Variants in GALNT15 observed in about 807,000 individuals in gnomAD.
GALNT15 encodes UDP-GalNAc transferase T15.
In GALNT15, 67 loss-of-function variants were observed where a neutral mutation model predicts 66.8. The ratio of observed to expected loss-of-function variants is 1.00; its 90% CI spans 0.82 to 1.23. The LOEUF is 1.23. Among genes scored for constraint, GALNT15 ranks in the 50% most tolerant of loss-of-function variants. The pLI is 0.00. For missense variants in GALNT15, 827 were observed against 804.3 expected (o/e 1.03, Z -0.34); for synonymous variants, 313 against 311.5 (o/e 1.00, Z -0.05).
Position 16,204,380 on chromosome 3 carries a change from G to T in GALNT15, c.911+3557G>T, listed in dbSNP as rs1306266268. 6.6e-6 allele frequency among the ~76,000 whole-genome samples: 1 copy of T among 152,174 alleles called. No homozygotes were observed. Among genetic ancestry groups the T allele is most frequent in the African/African-American group, 2.4e-5 (1 of 41,438 alleles). The stretch of plus-strand genomic sequence containing the variant: ...AATAAAAATGCAAATTTACAGTAAT[G>T]ATAATATTAGAGATGTTCTCTTGGG... On this transcript the variant is annotated intron_variant, in intron 3 of 9. Transcript: ENST00000339732. The surrounding 1 kb of genome is among the most constrained non-coding windows in gnomAD (Gnocchi z 4.5).
intron 1 of GALNT15, among the ~76,000 whole-genome samples, chr3:16,185,757 A>AGATAGAT (rs993464779): frequency 1.5e-5 from 1 of 66,470 alleles, no homozygotes; most frequent in African/African-American, 5.9e-5. Flanking sequence ...ACAGATAGAT[A>AGATAGAT]GATAGATAGA....
rs2063409125 is a variant in GALNT15, at chr3:16,176,228, A to C, written c.539+538A>C. Among the ~76,000 whole-genome samples the C allele has an allele frequency of 6.6e-6, 1 of 152,236 alleles. No homozygotes were observed. Among genetic ancestry groups the C allele is most frequent in the Non-Finnish European group, 1.5e-5 (1 of 68,040 alleles). On this transcript the variant is annotated intron_variant, in intron 1 of 9. Coordinates refer to ENST00000339732, the MANE Select transcript of GALNT15 (RefSeq NM_054110.5). This position sits in a 1 kb window ranked among gnomAD's most constrained non-coding sequence, Gnocchi z 5.6. ...CCCATGCGTCTGGATTTACTTTACAAGCTTTTAATGTATTAACTCATAAAG... is the reference window on the plus strand; with the variant it reads ...CCCATGCGTCTGGATTTACTTTACACGCTTTTAATGTATTAACTCATAAAG...
At position 16,187,303 on chromosome 3, in the gene GALNT15, T is replaced by C. The variant is rs961356891; in HGVS notation, c.540-8457T>C. Among the ~76,000 whole-genome samples, 1 of 152,088 alleles carries C rather than the reference T, an allele frequency of 6.6e-6. No homozygotes were observed. Among genetic ancestry groups the C allele is most frequent in the African/African-American group, 2.4e-5 (1 of 41,398 alleles). On this transcript the variant is annotated intron_variant, in intron 1 of 9. Transcript: ENST00000339732. The surrounding 1 kb of genome is among the most constrained non-coding windows in gnomAD (Gnocchi z 5.1). ...TGATTTCAAACAATAACCATTTCTA[T>C]GTTATGGTTCTATAATTTGGACCGG...
Position 16,175,812 on chromosome 3 carries a change from G to T in GALNT15, c.539+122G>T. 3.4e-6 allele frequency: 3 copies of T among 886,760 alleles called. No individual in the cohort carries two copies. Among genetic ancestry groups the T allele is most frequent in the Non-Finnish European group, 5.0e-6 (3 of 600,896 alleles). The allele number at this position is 886,760 out of a possible 1,614,324, so 54.9% of individuals were successfully genotyped here. A position where few individuals can be genotyped will look rare whatever the true frequency, so the allele number is the denominator to read the frequency against. ...ACTTAGAGCAAGTGCTTTTCAAGAT[G>T]CAGTACCTGGGCCAGCAGCGTCAGC... On this transcript the variant is annotated intron_variant, in intron 1 of 9. Coordinates refer to ENST00000339732, the MANE Select transcript of GALNT15 (RefSeq NM_054110.5). The surrounding 1 kb of genome is among the most constrained non-coding windows in gnomAD (Gnocchi z 5.6).
downstream of GALNT15, among the ~76,000 whole-genome samples, chr3:16,234,993 G>A (rs181672296): frequency 6.7e-5 from 10 of 150,032 alleles, no homozygotes; most frequent in Admixed American, 6.7e-4. Flanking sequence ...TGCGATCCCA[G>A]CTCACTGCAA....
chr3:16,185,363 T>C (rs1195707184), intron 1 of GALNT15, among the ~76,000 whole-genome samples: 1 of 152,238 alleles, frequency 6.6e-6, no homozygotes, highest in Non-Finnish European at 1.5e-5. Context: ...AAGGAAAGTA[T>C]TTTGTGGCAC....
rs1380821047 is a variant in GALNT15, at chr3:16,212,556, C to T, written c.1198-13C>T. 6.2e-7 allele frequency: 1 copy of T among 1,607,988 alleles called. No homozygotes were observed. The highest frequency in any genetic ancestry group is 8.5e-7 in the Non-Finnish European group (1 of 1,176,148). ...TGGAATGCTGAGGTGTTTATCTTTT[C>T]CCTTCGTGGCAGGCCTGGCTCTGTG... On this transcript the variant is annotated splice_polypyrimidine_tract_variant and intron_variant, in intron 5 of 9. Transcript: ENST00000339732.
chr3:16,213,652 A>G (rs1177835330), intron 6 of GALNT15, among the ~76,000 whole-genome samples: 2 of 152,140 alleles, frequency 1.3e-5, no homozygotes, highest in East Asian at 3.8e-4. Flanking sequence ...GGGGGCTCCA[A>G]AGACAAGATT....
downstream of GALNT15, among the ~76,000 whole-genome samples, chr3:16,232,479 T>A (rs796768085): frequency 0.093 from 5,558 of 59,912 alleles, 499 homozygotes; most frequent in Admixed American, 0.12. Flanking sequence ...AATATATATA[T>A]ATATATATAT....
chr3:16,208,787 C>A (rs930685544), intron 4 of GALNT15, 117 bp downstream of exon 4: 3 of 888,578 alleles, frequency 3.4e-6, no homozygotes, highest in African/African-American at 1.7e-5. Flanking sequence ...TTAATGTATG[C>A]CACAGTTTCC....
At chr3:16,179,159 A>G (rs1401469686) in intron 1 of GALNT15, among the ~76,000 whole-genome samples, 2 of 152,206 alleles carry the variant, frequency 1.3e-5, no homozygotes, top group African/African-American at 2.4e-5. Context: ...TACAGTGAAC[A>G]TTTATTGAGC....
intron 1 of GALNT15, among the ~76,000 whole-genome samples, chr3:16,177,107 G>A (rs927103373): frequency 6.6e-6 from 1 of 152,136 alleles, no homozygotes; most frequent in Non-Finnish European, 1.5e-5. Context: ...TTTATCAGTC[G>A]AATGCCTGCT....
At chr3:16,236,795 T>C (rs554128129), downstream of GALNT15, among the ~76,000 whole-genome samples, 1 of 152,348 alleles carries the variant, frequency 6.6e-6, no homozygotes, top group South Asian at 2.1e-4. Flanking sequence ...TCCACAGTCT[T>C]CTTTCTTTGG....
chr3:16,222,896 G>C, intron 9 of GALNT15, 138 bp downstream of exon 9: 1 of 1,021,922 alleles, frequency 9.8e-7, no homozygotes, highest in Non-Finnish European at 1.4e-6. Flanking sequence ...TGGCTGGGCA[G>C]TAAGGCCTCA....
rs1491187404 is a variant in GALNT15 at position 16,203,543 on chromosome 3, T to TCTCTCTCTCA, written c.911+2721_911+2722insTCTCTCTCAC. ...CATTCTCTCTCTCTCTCTCTCTCTC[T>TCTCTCTCTCA]CACACACACACACACACACACACAC... On this transcript the variant is annotated intron_variant, in intron 3 of 9. Transcript: ENST00000339732. This position sits in a 1 kb window ranked among gnomAD's most constrained non-coding sequence, Gnocchi z 6.2. Among the ~76,000 whole-genome samples the TCTCTCTCTCA allele has an allele frequency of 9.8e-5, 6 of 61,106 alleles. No individual in the cohort carries two copies. Among genetic ancestry groups the TCTCTCTCTCA allele is most frequent in the African/African-American group, 3.3e-4 (6 of 18,252 alleles). 40.1% of individuals were successfully genotyped at this position (61,106 alleles called of 152,430 possible). A position where few individuals can be genotyped will look rare whatever the true frequency, so the allele number is the denominator to read the frequency against.
chr3:16,228,405 C>T lies in GALNT15; in HGVS notation c.*905C>T. 2 of 908,888 alleles carry T rather than the reference C, an allele frequency of 2.2e-6. No individual in the cohort carries two copies. The highest frequency in any genetic ancestry group is 1.3e-6 in the Non-Finnish European group (1 of 759,980). 56.3% of individuals were successfully genotyped at this position (908,888 alleles called of 1,614,324 possible). On this transcript the variant is annotated 3_prime_UTR_variant, in exon 10 of 10. Transcript: ENST00000339732. ...CCTGTAATTCCAGCACTTTGGGAGGCAGAGTTGGGAGGATCACCTGATGTC... is the reference window on the plus strand; with the variant it reads ...CCTGTAATTCCAGCACTTTGGGAGGTAGAGTTGGGAGGATCACCTGATGTC...
At position 16,186,532 on chromosome 3, in the gene GALNT15, A is replaced by G. The variant is rs1395189286; in HGVS notation, c.540-9228A>G. ...TCATAATATAAGTCAAAATAGGAGCAATCCAAATGTCCATCAGCTGATGAA... is the reference window on the plus strand; with the variant it reads ...TCATAATATAAGTCAAAATAGGAGCGATCCAAATGTCCATCAGCTGATGAA... On this transcript the variant is annotated intron_variant, in intron 1 of 9. Coordinates refer to ENST00000339732, the MANE Select transcript of GALNT15 (RefSeq NM_054110.5). This position sits in a 1 kb window ranked among gnomAD's most constrained non-coding sequence, Gnocchi z 5.1. 6.6e-6 allele frequency among the ~76,000 whole-genome samples: 1 copy of G among 152,272 alleles called. No homozygotes were observed. The highest frequency in any genetic ancestry group is 1.5e-5 in the Non-Finnish European group (1 of 68,050).
chr3:16,189,155 CA>C lies in GALNT15; in HGVS notation c.540-6604del, dbSNP rs1234734427. Among the ~76,000 whole-genome samples the C allele has an allele frequency of 6.6e-6, 1 of 152,198 alleles. No individual in the cohort carries two copies. The highest frequency in any genetic ancestry group is 6.5e-5 in the Admixed American group (1 of 15,286). On this transcript the variant is annotated intron_variant, in intron 1 of 9. Coordinates refer to ENST00000339732, the MANE Select transcript of GALNT15 (RefSeq NM_054110.5). This position sits in a 1 kb window ranked among gnomAD's most constrained non-coding sequence, Gnocchi z 5.1. ...GATTGGAGAGCTTTGCTCCCGGTGG[CA>C]GCCTGAATCACAGGAAACATTTTGC... is the stretch of plus-strand genomic sequence containing the variant.
rs142332771 is a variant in GALNT15, at chr3:16,187,596, A to T, written c.540-8164A>T. Among the ~76,000 whole-genome samples the T allele has an allele frequency of 1.8e-3, 275 of 152,340 alleles. 1 individual carries two copies. Among genetic ancestry groups the T allele is most frequent in the African/African-American group, 6.5e-3 (271 of 41,584 alleles). Reference sequence around the variant, plus strand: ...GGAATTCTCGAATGTCACTTCTAGTACATTCTATTGGTCTAAGGAAGGCAC... The same window carrying T: ...GGAATTCTCGAATGTCACTTCTAGTTCATTCTATTGGTCTAAGGAAGGCAC... On this transcript the variant is annotated intron_variant, in intron 1 of 9. Coordinates refer to ENST00000339732, the MANE Select transcript of GALNT15 (RefSeq NM_054110.5). This position sits in a 1 kb window ranked among gnomAD's most constrained non-coding sequence, Gnocchi z 5.1.
Sources: gnomAD v4.1 joint callset for allele counts (sites outside exome capture counted in the v4.1 genomes callset) on GRCh38, gnomAD v4.1.1 for gene constraint, Gnocchi (gnomAD v3.1) non-coding constraint, MANE v1.5 for transcripts, NCBI Gene and HGNC (gene_info 2026-07-23, HGNC 2026-07-21) for gene names.